The following RAF1 variants were observed in gnomAD, a reference collection of about 807,000 sequenced individuals.
RAF1 encodes RAF proto-oncogene serine/threonine-protein kinase.
A neutral mutation model predicts 81.1 loss-of-function variants in RAF1; 27 were observed. The ratio of observed to expected loss-of-function variants is 0.33; its 90% CI spans 0.25 to 0.46. The LOEUF is 0.46. Ranked by LOEUF, RAF1 falls within the 20% of genes least tolerant of loss-of-function variation. RAF1 has a pLI of 1.00. For missense variants in RAF1, 598 were observed against 826.0 expected (o/e 0.72, Z 3.38); for synonymous variants, 298 against 294.0 (o/e 1.01, Z -0.14).
intron 1 of RAF1, among the ~76,000 whole-genome samples, chr3:12,657,153 A>G (rs1309746167): frequency 2.6e-5 from 4 of 152,194 alleles, no homozygotes; most frequent in African/African-American, 9.6e-5. Context: ...TTTGATTTCC[A>G]CTAAACATAC....
chr3:12,623,003 TA>T (rs906661079), intron 1 of RAF1, among the ~76,000 whole-genome samples: 7 of 150,956 alleles, frequency 4.6e-5, no homozygotes, highest in Non-Finnish European at 7.4e-5. Flanking sequence ...TTTCTAAATT[TA>T]AAAAAAAAAT....
At chr3:12,644,587 C>T (rs917114513) in intron 1 of RAF1, among the ~76,000 whole-genome samples, 2 of 152,190 alleles carry the variant, frequency 1.3e-5, no homozygotes, top group East Asian at 3.8e-4. Context: ...TGCCCTATCC[C>T]TTGGCTCTAT....
intron 1 of RAF1, among the ~76,000 whole-genome samples, chr3:12,661,186 G>C (rs2060865564): frequency 6.6e-6 from 1 of 152,102 alleles, no homozygotes; most frequent in Non-Finnish European, 1.5e-5. Context: ...TTCCATAATA[G>C]TCACTTTAGC....
In RAF1 at chr3:12,584,416, G is replaced by T. The variant is rs2125314733; in HGVS notation, c.*98C>A. On this transcript the variant is annotated 3_prime_UTR_variant, in exon 18 of 18. Coordinates refer to ENST00000442415, the MANE Select transcript of RAF1 (RefSeq NM_001354689.3). ...GAAGGTCCTTAGCAGCAGCTTCTCT[G>T]AAAACATGTGTTCTGCCTCTGGAGA... 1 of 1,512,310 alleles carries T rather than the reference G, an allele frequency of 6.6e-7. No homozygotes were observed. Among genetic ancestry groups the T allele is most frequent in the Non-Finnish European group, 9.1e-7 (1 of 1,093,754 alleles). 93.7% of individuals were successfully genotyped at this position (1,512,310 alleles called of 1,614,324 possible). A position where few individuals can be genotyped will look rare whatever the true frequency, so the allele number is the denominator to read the frequency against.
At chr3:12,642,671 TACAC>T (rs71063856) in intron 1 of RAF1, among the ~76,000 whole-genome samples, 4,092 of 116,978 alleles carry the variant, frequency 0.035, 108 homozygotes, top group African/African-American at 0.078. Context: ...ACACCATCTC[TACAC>T]ACACACACAC....
At position 12,618,499 on chromosome 3, in the gene RAF1, T is replaced by G. The variant is rs780748573; in HGVS notation, c.207+16A>C. Reference sequence around the variant, plus strand: ...CAGATAAATAGCTAAATTTCCTAAGTAGAATGTTCACATACCACTGTTCTT... The same window carrying G: ...CAGATAAATAGCTAAATTTCCTAAGGAGAATGTTCACATACCACTGTTCTT... On this transcript the variant is annotated intron_variant, in intron 2 of 17. Transcript: ENST00000442415. 1.2e-6 allele frequency: 2 copies of G among 1,613,774 alleles called. No individual in the cohort carries two copies. The highest frequency in any genetic ancestry group is 1.3e-5 in the African/African-American group (1 of 75,046).
chr3:12,664,088 T>C lies in RAF1; in HGVS notation c.-302A>G. Reference sequence around the variant, plus strand: ...AATCGTTTTCCTCTTACTCCCGCCATCTAAGATGGCGGCCCAAGCGCCCGC... The same window carrying C: ...AATCGTTTTCCTCTTACTCCCGCCACCTAAGATGGCGGCCCAAGCGCCCGC... On this transcript the variant is annotated 5_prime_UTR_variant, in exon 1 of 18. An upstream start codon of the reference 5' UTR is lost. Transcript: ENST00000442415. 1 of 398,260 alleles carries C rather than the reference T, an allele frequency of 2.5e-6. No homozygotes were observed. The allele number at this position is 398,260 out of a possible 1,614,324, so 24.7% of individuals were successfully genotyped here. A position where few individuals can be genotyped will look rare whatever the true frequency, so the allele number is the denominator to read the frequency against.
At chr3:12,623,442 ATTAT>A (rs1407033267) in intron 1 of RAF1, among the ~76,000 whole-genome samples, 1 of 152,358 alleles carries the variant, frequency 6.6e-6, no homozygotes, top group East Asian at 1.9e-4. Flanking sequence ...CAAGTTTTAG[ATTAT>A]TTGTCATTCA....
At chr3:12,646,420 G>C (rs1296472198) in intron 1 of RAF1, among the ~76,000 whole-genome samples, 1 of 152,020 alleles carries the variant, frequency 6.6e-6, no homozygotes, top group East Asian at 1.9e-4. Context: ...TGTCACCCAC[G>C]CTGGAGTGCA....
chr3:12,651,901 C>G (rs893218412), intron 1 of RAF1, among the ~76,000 whole-genome samples: 1 of 150,454 alleles, frequency 6.6e-6, no homozygotes, highest in African/African-American at 2.4e-5. Flanking sequence ...CTCAGCTACT[C>G]GGGAGGCTGA....
intron 11 of RAF1, among the ~76,000 whole-genome samples, chr3:12,594,993 GATTC>G (rs896571150): frequency 2.0e-5 from 3 of 152,166 alleles, no homozygotes; most frequent in African/African-American, 7.2e-5. Flanking sequence ...CCATGAAAGG[GATTC>G]ATTCAGTCTG....
At chr3:12,619,243 T>C (rs925567670) in intron 1 of RAF1, among the ~76,000 whole-genome samples, 1 of 146,768 alleles carries the variant, frequency 6.8e-6, no homozygotes, top group African/African-American at 2.6e-5. Context: ...AGACTCCACC[T>C]CAAAAACAAA....
intron 1 of RAF1, among the ~76,000 whole-genome samples, chr3:12,636,139 A>T (rs943078108): frequency 1.3e-5 from 2 of 151,720 alleles, no homozygotes; most frequent in Admixed American, 6.6e-5. Flanking sequence ...TACAAAAATT[A>T]GCTGGGCATT....
At chr3:12,589,791 G>GC (rs2058445274) in intron 13 of RAF1, 1 of 133,704 alleles carries the variant, frequency 7.5e-6, no homozygotes, top group Non-Finnish European at 1.6e-5. Context: ...TGGTTTTTTT[G>GC]GGTTTTTTTT....
chr3:12,648,781 C>T (rs1031167012), intron 1 of RAF1, among the ~76,000 whole-genome samples: 4 of 152,002 alleles, frequency 2.6e-5, no homozygotes, highest in Non-Finnish European at 5.9e-5. Flanking sequence ...TCAGCCAGCT[C>T]CCCTACACTT....
intron 11 of RAF1, among the ~76,000 whole-genome samples, chr3:12,594,182 G>A (rs1056252099): frequency 6.6e-6 from 1 of 152,096 alleles, no homozygotes; most frequent in Non-Finnish European, 1.5e-5. Flanking sequence ...GGTTGACTGT[G>A]GGGACTCAGA....
intron 1 of RAF1, among the ~76,000 whole-genome samples, chr3:12,655,000 A>ACCCCC (rs35380724): frequency 6.2e-5 from 8 of 128,158 alleles, no homozygotes; most frequent in African/African-American, 1.7e-4. Flanking sequence ...ACATAGTGAG[A>ACCCCC]CCCCCCCCCC....
rs185990248 is a variant in RAF1 at position 12,617,360 on chromosome 3, T to C, written c.207+1155A>G. ...GAACTCCTGACCTCAAGTAATGAGCTGGCCTCAGCCTCCCAAAGTGCTAGG... is the reference window on the plus strand; with the variant it reads ...GAACTCCTGACCTCAAGTAATGAGCCGGCCTCAGCCTCCCAAAGTGCTAGG... On this transcript the variant is annotated intron_variant, in intron 2 of 17. Transcript: ENST00000442415. 2.9e-4 allele frequency among the ~76,000 whole-genome samples: 44 copies of C among 152,082 alleles called. 1 individual carries two copies. The highest frequency in any genetic ancestry group is 5.9e-4 in the Admixed American group (9 of 15,282).
Position 12,600,166 on chromosome 3 carries a change from C to T in RAF1, c.1036G>A (p.Glu346Lys). The stretch of plus-strand genomic sequence containing the variant: ...TCTATACTCACAATTTTGTTTTTCT[C>T]CTGGGTCCCAGATACTGGTGCCCGC... Residue 346 changes from glutamate to lysine, a missense_variant, in exon 10 of 18, where the codon GAG becomes AAG. This residue lies in a region of RAF1 where 194 missense variants were observed against 202.7 expected (regional missense o/e 0.96). Transcript: ENST00000442415. 6.2e-7 allele frequency: 1 copy of T among 1,614,138 alleles called. No individual in the cohort carries two copies. Among genetic ancestry groups the T allele is most frequent in the Non-Finnish European group, 8.5e-7 (1 of 1,180,020 alleles).
Sources: gnomAD v4.1 joint callset for allele counts (sites outside exome capture counted in the v4.1 genomes callset) on GRCh38, gnomAD v4.1.1 for gene constraint, gnomAD v4.1.1 regional missense constraint, MANE v1.5 for transcripts, NCBI Gene and HGNC (gene_info 2026-07-23, HGNC 2026-07-21) for gene names.